Variants in DPY19L2 observed in about 807,000 individuals in gnomAD.
DPY19L2 encodes the protein dpy-19 like 2, also known as probable C-mannosyltransferase DPY19L2.
DPY19L2 carries 34 observed loss-of-function variants against 97.9 expected under a neutral mutation model. That is an observed-to-expected ratio of 0.35 (90% CI 0.26 to 0.46). The LOEUF (loss-of-function observed/expected upper bound fraction) is 0.46, where lower values mean the gene tolerates loss of function less well. DPY19L2 is among the 20% of genes least tolerant of loss of function. The probability of loss-of-function intolerance (pLI) is 1.00; values close to 1 mark genes in which losing one functional copy is unlikely to be tolerated. For missense variants in DPY19L2, 623 were observed against 911.4 expected (o/e 0.68, Z 4.07); for synonymous variants, 230 against 307.9 (o/e 0.75, Z 2.65).
chr12:63,618,424 C>T (rs116993828), intron 9 of DPY19L2, among the ~76,000 whole-genome samples, 196 bp from the exon 10 acceptor site: 4,503 of 152,016 alleles, frequency 0.03, 105 homozygotes, highest in Middle Eastern at 0.082. Context: ...TTTTTAAATA[C>T]GTATAAAAGC....
chr12:63,593,558 C>T (rs1428364985), intron 16 of DPY19L2, among the ~76,000 whole-genome samples: 2 of 151,994 alleles, frequency 1.3e-5, no homozygotes, highest in Non-Finnish European at 2.9e-5. Flanking sequence ...CCAAACACCG[C>T]ATATTCTCAC....
chr12:63,612,441 AATGT>A (rs1216480510), intron 11 of DPY19L2, among the ~76,000 whole-genome samples: 1 of 152,056 alleles, frequency 6.6e-6, no homozygotes, highest in Non-Finnish European at 1.5e-5. Context: ...GTTTAAGTAA[AATGT>A]ATGACAATAA....
intron 4 of DPY19L2, among the ~76,000 whole-genome samples, chr12:63,650,983 A>AT (rs1894134726): frequency 6.6e-6 from 1 of 152,232 alleles, no homozygotes; most frequent in Non-Finnish European, 1.5e-5. Context: ...CAGAGACATC[A>AT]TAGTACCCAA....
rs1888676861 is a variant in DPY19L2 at position 63,621,447 on chromosome 12, T to C, written c.954-110A>G. ...ATCTACATTATTCCATTACCTTTACTATAATACAACAAAATATAGTTAACT... is the reference window on the plus strand; with the variant it reads ...ATCTACATTATTCCATTACCTTTACCATAATACAACAAAATATAGTTAACT... On this transcript the variant is annotated intron_variant, in intron 8 of 21. Transcript: ENST00000324472. The C allele has an allele frequency of 1.7e-5, 12 of 708,060 alleles. No individual in the cohort carries two copies. The Admixed American group carries it at 2.7e-4, about 16-fold the overall frequency. 43.9% of individuals were successfully genotyped at this position (708,060 alleles called of 1,614,324 possible).
intron 6 of DPY19L2, among the ~76,000 whole-genome samples, chr12:63,640,855 C>G (rs972822685): frequency 5.9e-5 from 9 of 152,108 alleles, no homozygotes; most frequent in East Asian, 1.9e-4. Context: ...AAATACAAAC[C>G]ATTTTCAAAA....
chr12:63,594,302 C>G (rs1456213266), intron 15 of DPY19L2, among the ~76,000 whole-genome samples, 169 bp from the exon 16 acceptor site: 2 of 152,058 alleles, frequency 1.3e-5, no homozygotes, highest in African/African-American at 4.8e-5. Context: ...TTTTCTCCTT[C>G]CGAGAAGTGA....
intron 12 of DPY19L2, among the ~76,000 whole-genome samples, chr12:63,602,861 T>C (rs1478710022): frequency 2.6e-5 from 4 of 152,138 alleles, no homozygotes; most frequent in Non-Finnish European, 5.9e-5. Context: ...GAGGAAATAA[T>C]AGTAACTTTC....
chr12:63,631,913 C>T (rs10925939), intron 6 of DPY19L2, among the ~76,000 whole-genome samples: 15,794 of 152,056 alleles, frequency 0.1, 1,014 homozygotes, highest in African/African-American at 0.17. Flanking sequence ...GTTCAACATA[C>T]GCAAATCAAT....
upstream of DPY19L2, chr12:63,668,716 T>A (rs1811738): frequency 3.1e-6 from 1 of 326,010 alleles, no homozygotes; most frequent in Non-Finnish European, 5.6e-6. Context: ...GCCTGCAGCC[T>A]CCGGTGCGCG....
At chr12:63,638,086 A>C (rs1360825673) in intron 6 of DPY19L2, among the ~76,000 whole-genome samples, 9 of 152,180 alleles carry the variant, frequency 5.9e-5, no homozygotes, top group Non-Finnish European at 1.0e-4. Flanking sequence ...TCCATCATAT[A>C]AACAGAACCA....
At chr12:63,657,228 TG>T (rs559763125) in intron 4 of DPY19L2, among the ~76,000 whole-genome samples, 88 of 152,306 alleles carry the variant, frequency 5.8e-4, no homozygotes, top group African/African-American at 2.1e-3. Flanking sequence ...ATTTGAAGTT[TG>T]TAATTGCTAT....
At chr12:63,647,869 GCT>G (rs1375421171) in intron 4 of DPY19L2, among the ~76,000 whole-genome samples, 2 of 152,266 alleles carry the variant, frequency 1.3e-5, no homozygotes, top group Middle Eastern at 3.4e-3. Flanking sequence ...AGTTCCGTGG[GCT>G]CTCTTTGTGC....
chr12:63,661,669 T>C (rs1895698194), intron 3 of DPY19L2, among the ~76,000 whole-genome samples, 188 bp from the exon 4 acceptor site: 1 of 152,100 alleles, frequency 6.6e-6, no homozygotes, highest in African/African-American at 2.4e-5. Context: ...ACTGTAATAT[T>C]CTTTCAAATT....
At chr12:63,633,285 G>A (rs1891042783) in intron 6 of DPY19L2, among the ~76,000 whole-genome samples, 1 of 152,098 alleles carries the variant, frequency 6.6e-6, no homozygotes, top group African/African-American at 2.4e-5. Flanking sequence ...GCAACCTACA[G>A]AATGGGAGAA....
chr12:63,603,171 G>T (rs1885458090), intron 12 of DPY19L2, among the ~76,000 whole-genome samples: 1 of 151,882 alleles, frequency 6.6e-6, no homozygotes, highest in African/African-American at 2.4e-5. Flanking sequence ...ATGAAAGAGT[G>T]AAAATAAATG....
intron 4 of DPY19L2, among the ~76,000 whole-genome samples, chr12:63,652,390 A>G (rs574444570): frequency 9.2e-5 from 14 of 152,260 alleles, no homozygotes; most frequent in African/African-American, 3.4e-4. Context: ...TTAAAACTGA[A>G]CTACCATTTG....
intron 12 of DPY19L2, among the ~76,000 whole-genome samples, chr12:63,605,230 G>A (rs143990237): frequency 5.9e-5 from 9 of 152,250 alleles, no homozygotes; most frequent in South Asian, 2.1e-4. Flanking sequence ...TAGGAGGTCG[G>A]TAAGGAGCAG....
At position 63,608,994 on chromosome 12, in the gene DPY19L2, T is replaced by C. The variant is rs567139573; in HGVS notation, c.1219-319A>G. 2.6e-5 allele frequency among the ~76,000 whole-genome samples: 4 copies of C among 152,266 alleles called. No homozygotes were observed. The East Asian group carries it at 7.7e-4, about 29-fold the overall frequency. Reference sequence around the variant, plus strand: ...ATGAGAGCAACCATGCAAGTCTGTATGTCAGTTATCCAGCAACGTTAGTGA... The same window carrying C: ...ATGAGAGCAACCATGCAAGTCTGTACGTCAGTTATCCAGCAACGTTAGTGA... On this transcript the variant is annotated intron_variant, in intron 11 of 21. Coordinates refer to ENST00000324472, the MANE Select transcript of DPY19L2 (RefSeq NM_173812.5).
Position 63,591,642 on chromosome 12 carries a change from T to A in DPY19L2, c.1580+2445A>T, listed in dbSNP as rs986998483. 2.0e-5 allele frequency among the ~76,000 whole-genome samples: 3 copies of A among 152,170 alleles called. No homozygotes were observed. The East Asian group carries it at 5.8e-4, about 30-fold the overall frequency. ...TTACTAAAACCATCCAAAAATGTTA[T>A]ACAATAAATAGTTTTAACAATAAGT... is the stretch of plus-strand genomic sequence containing the variant. On this transcript the variant is annotated intron_variant, in intron 16 of 21. Coordinates refer to ENST00000324472, the MANE Select transcript of DPY19L2 (RefSeq NM_173812.5).
Sources: allele counts gnomAD v4.1 joint callset (sites outside exome capture counted in the v4.1 genomes callset), GRCh38; gene constraint gnomAD v4.1.1; transcripts MANE v1.5; gene names NCBI Gene and HGNC (gene_info 2026-07-23, HGNC 2026-07-21).